Variants in SIPA1L2 observed in about 807,000 individuals in gnomAD.
The protein encoded by SIPA1L2 is signal induced proliferation associated 1 like 2.
Under a neutral mutation model 163.9 loss-of-function variants are expected in SIPA1L2, and 56 were observed. That is an observed-to-expected ratio of 0.34 (90% confidence interval 0.28 to 0.43). The LOEUF (loss-of-function observed/expected upper bound fraction) is 0.43. Ranked by LOEUF, SIPA1L2 falls within the 20% of genes least tolerant of loss-of-function variation. SIPA1L2 has a pLI of 1.00. For missense variants in SIPA1L2, 1,974 were observed against 2,193.5 expected, an observed-to-expected ratio of 0.90 and a Z score of 2.00; for synonymous variants, 877 against 865.7, an observed-to-expected ratio of 1.01 and a Z score of -0.23.
chr1:232,475,472 A>AT (rs1475845077), intron 7 of SIPA1L2, among the ~76,000 whole-genome samples: 4 of 152,222 alleles, frequency 2.6e-5, no homozygotes, highest in Admixed American at 6.5e-5. Context: ...TTATGCCTTG[A>AT]TTTTTAAGAG....
Position 232,515,371 on chromosome 1 carries a change from A to G in SIPA1L2, c.-32T>C. 6.5e-7 allele frequency: 1 copy of G among 1,535,720 alleles called. No homozygotes were observed. The highest frequency in any genetic ancestry group is 8.7e-7 in the Non-Finnish European group (1 of 1,144,238). ...CGAGGAAGAGCCTCCAAGTCTCACC[A>G]GGAAGACTGATGTAAATCTAATTAC... On this transcript the variant is annotated 5_prime_UTR_variant, in exon 3 of 23. Transcript: ENST00000674635.
chr1:232,543,416 C>T (rs1657815937), intron 2 of SIPA1L2, among the ~76,000 whole-genome samples: 1 of 152,194 alleles, frequency 6.6e-6, no homozygotes, highest in Non-Finnish European at 1.5e-5. Flanking sequence ...TCCACCTCCT[C>T]CACCTTTTCC....
intron 7 of SIPA1L2, among the ~76,000 whole-genome samples, chr1:232,477,615 C>A (rs1665111503): frequency 6.6e-6 from 1 of 152,200 alleles, no homozygotes; most frequent in South Asian, 2.1e-4. Flanking sequence ...AACACACACA[C>A]ATCCTCCTCT....
intron 2 of SIPA1L2, among the ~76,000 whole-genome samples, chr1:232,548,611 A>G: frequency 6.6e-6 from 1 of 152,200 alleles, no homozygotes; most frequent in East Asian, 1.9e-4. Flanking sequence ...CTTTCAATAA[A>G]TATATACTAA....
At chr1:232,448,982 C>G (rs970094614) in intron 10 of SIPA1L2, among the ~76,000 whole-genome samples, 2 of 152,062 alleles carry the variant, frequency 1.3e-5, no homozygotes, top group Non-Finnish European at 2.9e-5. Context: ...CCCAGGGTCA[C>G]TTCTCCTTCC....
chr1:232,509,237 T>A (rs1480171614), intron 3 of SIPA1L2, among the ~76,000 whole-genome samples: 1 of 152,256 alleles, frequency 6.6e-6, no homozygotes, highest in East Asian at 1.9e-4. Context: ...TGATGATGTG[T>A]CACAGAAATA....
chr1:232,504,697 G>T lies in SIPA1L2; in HGVS notation c.1483+9160C>A, dbSNP rs1278447651. 2.0e-5 allele frequency among the ~76,000 whole-genome samples: 3 copies of T among 152,104 alleles called. No homozygotes were observed. The East Asian group carries it at 5.8e-4, about 29-fold the overall frequency. On this transcript the variant is annotated intron_variant, in intron 3 of 22. Transcript: ENST00000674635. ...CTCTTTTGACCCAAATTTAACCAAGGTATTTGCTAAGCTTGAAAAATCCAA... is the reference window on the plus strand; with the variant it reads ...CTCTTTTGACCCAAATTTAACCAAGTTATTTGCTAAGCTTGAAAAATCCAA...
chr1:232,557,564 T>A (rs548563352), intron 2 of SIPA1L2, among the ~76,000 whole-genome samples: 1 of 152,208 alleles, frequency 6.6e-6, no homozygotes, highest in African/African-American at 2.4e-5. Flanking sequence ...TCCAGGTACT[T>A]TGAAAATTCC....
At chr1:232,479,277 C>T (rs1417518103) in intron 7 of SIPA1L2, among the ~76,000 whole-genome samples, 1 of 152,116 alleles carries the variant, frequency 6.6e-6, no homozygotes, top group African/African-American at 2.4e-5. Flanking sequence ...AAACAGTATT[C>T]TCTATAAATA....
At chr1:232,518,842 C>T (rs1075569) in intron 2 of SIPA1L2, among the ~76,000 whole-genome samples, 138,524 of 152,204 alleles carry the variant, frequency 0.91, 63,846 homozygotes, top group African/African-American at 0.97. Flanking sequence ...TAGTATGTGG[C>T]AGATGTTTAA....
intron 1 of SIPA1L2, among the ~76,000 whole-genome samples, chr1:232,577,548 G>C (rs1004722712): frequency 6.6e-6 from 1 of 152,086 alleles, no homozygotes; most frequent in African/African-American, 2.4e-5. Flanking sequence ...AAAGTAAACC[G>C]AAACCCTTTT....
intron 1 of SIPA1L2, among the ~76,000 whole-genome samples, chr1:232,619,075 G>A (rs556963287): frequency 1.3e-5 from 2 of 152,318 alleles, no homozygotes; most frequent in East Asian, 3.9e-4. Flanking sequence ...AAAAAGATGA[G>A]TTTGTATTTA....
intron 1 of SIPA1L2, among the ~76,000 whole-genome samples, chr1:232,606,506 G>T (rs1305605466): frequency 6.6e-6 from 1 of 151,888 alleles, no homozygotes; most frequent in Non-Finnish European, 1.5e-5. Context: ...ATGTTTAGTA[G>T]CAATGCGGAA....
At chr1:232,491,207 A>T in intron 4 of SIPA1L2, 145 bp from the exon 5 acceptor site, 2 of 683,190 alleles carry the variant, frequency 2.9e-6, no homozygotes, top group Non-Finnish European at 4.9e-6. Flanking sequence ...GTTCCATTTA[A>T]GGAAACAAAA....
At chr1:232,459,390 G>C (rs1375526593) in intron 10 of SIPA1L2, among the ~76,000 whole-genome samples, 1 of 152,184 alleles carries the variant, frequency 6.6e-6, no homozygotes, top group East Asian at 1.9e-4. Context: ...AGGAAACAGA[G>C]AAAGGAGAGA....
At chr1:232,610,356 T>G (rs1662174867) in intron 1 of SIPA1L2, among the ~76,000 whole-genome samples, 1 of 152,156 alleles carries the variant, frequency 6.6e-6, no homozygotes, top group Non-Finnish European at 1.5e-5. Context: ...TGGACTCACT[T>G]GGAGAAACTG....
chr1:232,560,455 C>T (rs915485174), intron 2 of SIPA1L2, among the ~76,000 whole-genome samples: 11 of 152,246 alleles, frequency 7.2e-5, no homozygotes, highest in Non-Finnish European at 1.6e-4. Flanking sequence ...TTTGGATCAT[C>T]TGCTCATGAA....
chr1:232,614,045 A>C (rs996544212), intron 1 of SIPA1L2, among the ~76,000 whole-genome samples: 1 of 152,120 alleles, frequency 6.6e-6, no homozygotes, highest in Non-Finnish European at 1.5e-5. Flanking sequence ...AAAGACATGA[A>C]CTCTGAGAAA....
intron 17 of SIPA1L2, among the ~76,000 whole-genome samples, chr1:232,427,608 T>C (rs1229088348): frequency 1.3e-5 from 2 of 152,164 alleles, no homozygotes; most frequent in Non-Finnish European, 1.5e-5. Context: ...AATGGGGTGA[T>C]TGGGCTAAAT....
Sources: gnomAD v4.1 joint callset for allele counts (sites outside exome capture counted in the v4.1 genomes callset) on GRCh38, gnomAD v4.1.1 for gene constraint, MANE v1.5 for transcripts, NCBI Gene and HGNC (gene_info 2026-07-23, HGNC 2026-07-21) for gene names.